Variants in KCNQ1OT1 observed in about 807,000 individuals in gnomAD.
KCNQ1OT1 encodes the protein KCNQ1 opposite strand/antisense transcript 1.
chr11:2,670,168 A>C lies in KCNQ1OT1; in HGVS notation n.29827T>G. On this transcript the variant is annotated non_coding_transcript_exon_variant, in exon 1 of 1. Coordinates refer to ENST00000597346, the Ensembl canonical transcript of KCNQ1OT1. The surrounding 1 kb of genome is among the most constrained non-coding windows in gnomAD (Gnocchi z 4.9). ...TTATCACTGTCGGGCCCATCTGCCA[A>C]GGCAAGCACCCACATTAAAGCAGAG... The C allele has an allele frequency of 2.5e-6, 1 of 398,660 alleles. No individual in the cohort carries two copies. 24.7% of individuals were successfully genotyped at this position (398,660 alleles called of 1,614,324 possible).
At chr11:2,684,135 T>C (rs1850445594) in exon 1 of KCNQ1OT1, 1 of 398,610 alleles carries the variant, frequency 2.5e-6, no homozygotes, top group Non-Finnish European at 4.4e-6. Context: ...ACCGTTTCCC[T>C]TGAAGAATGG....
chr11:2,643,665 G>A (rs771801911), exon 1 of KCNQ1OT1: 1 of 398,484 alleles, frequency 2.5e-6, no homozygotes, highest in Non-Finnish European at 4.4e-6. Context: ...TTGTTGATAT[G>A]TGAGGGCTTA....
chr11:2,625,858 C>T (rs1167552191), exon 1 of KCNQ1OT1: 4 of 398,462 alleles, frequency 1.0e-5, no homozygotes, highest in Admixed American at 8.8e-5. Context: ...CGTGAGCCAC[C>T]GTGCCTGGCC....
In KCNQ1OT1 at chr11:2,608,599, T is replaced by C. The variant is rs2133787355; in HGVS notation, n.91396A>G. On this transcript the variant is annotated non_coding_transcript_exon_variant, in exon 1 of 1. Coordinates refer to ENST00000597346, the Ensembl canonical transcript of KCNQ1OT1. The surrounding 1 kb of genome is among the most constrained non-coding windows in gnomAD (Gnocchi z 4.6). ...CAAGTGATCCTTGCCCCTTAGCCTATGACAGGTGTGCACCACAACACCAGC... is the reference window on the plus strand; with the variant it reads ...CAAGTGATCCTTGCCCCTTAGCCTACGACAGGTGTGCACCACAACACCAGC... 2 of 398,532 alleles carry C rather than the reference T, an allele frequency of 5.0e-6. No individual in the cohort carries two copies. Among genetic ancestry groups the C allele is most frequent in the South Asian group, 2.5e-4 (2 of 7,852 alleles). 24.7% of individuals were successfully genotyped at this position (398,532 alleles called of 1,614,324 possible).
rs947319303 is a variant in KCNQ1OT1, at chr11:2,627,558, T to G, written n.72437A>C. ...TAACTGGGATAGTGCAGTATTTGTC[T>G]TTCTGTGTCTGGCTATTTCACTTAG... On this transcript the variant is annotated non_coding_transcript_exon_variant, in exon 1 of 1. Transcript: ENST00000597346. This position sits in a 1 kb window ranked among gnomAD's most constrained non-coding sequence, Gnocchi z 4.9. 9 of 398,490 alleles carry G rather than the reference T, an allele frequency of 2.3e-5. No homozygotes were observed. The highest frequency in any genetic ancestry group is 1.9e-4 in the African/African-American group (9 of 48,624). 24.7% of individuals were successfully genotyped at this position (398,490 alleles called of 1,614,324 possible).
chr11:2,651,476 T>C lies in KCNQ1OT1; in HGVS notation n.48519A>G, dbSNP rs1269640808. On this transcript the variant is annotated non_coding_transcript_exon_variant, in exon 1 of 1. Coordinates refer to ENST00000597346, the Ensembl canonical transcript of KCNQ1OT1. The surrounding 1 kb of genome is among the most constrained non-coding windows in gnomAD (Gnocchi z 6.1). ...AGGTAGTGCTTATGAAAGTATCTGGTGGGCTTGCATTAAGAAGCTGTCAGT... is the reference window on the plus strand; with the variant it reads ...AGGTAGTGCTTATGAAAGTATCTGGCGGGCTTGCATTAAGAAGCTGTCAGT... 36 of 398,618 alleles carry C rather than the reference T, an allele frequency of 9.0e-5. No homozygotes were observed. Among genetic ancestry groups the C allele is most frequent in the Non-Finnish European group, 1.8e-5 (4 of 226,132 alleles). The allele number at this position is 398,618 out of a possible 1,614,324, so 24.7% of individuals were successfully genotyped here. A position where few individuals can be genotyped will look rare whatever the true frequency, so the allele number is the denominator to read the frequency against.
Position 2,677,228 on chromosome 11 carries a change from A to C in KCNQ1OT1, n.22767T>G. 2.5e-6 allele frequency: 1 copy of C among 398,664 alleles called. No homozygotes were observed. The highest frequency in any genetic ancestry group is 2.1e-5 in the African/African-American group (1 of 48,768). The allele number at this position is 398,664 out of a possible 1,614,324, so 24.7% of individuals were successfully genotyped here. ...GGCTGTCTCTTGTCAACCAAAGACA[A>C]TATAAAGCACACACAAAGTAAAGAG... On this transcript the variant is annotated non_coding_transcript_exon_variant, in exon 1 of 1. Coordinates refer to ENST00000597346, the Ensembl canonical transcript of KCNQ1OT1. This position sits in a 1 kb window ranked among gnomAD's most constrained non-coding sequence, Gnocchi z 4.5.
exon 1 of KCNQ1OT1, chr11:2,689,207 A>C (rs1207300695): frequency 2.5e-6 from 1 of 398,596 alleles, no homozygotes; most frequent in Non-Finnish European, 4.4e-6. Flanking sequence ...CAGCTTGCTG[A>C]CTTTGATGCA....
exon 1 of KCNQ1OT1, chr11:2,609,718 T>C (rs1255115392): frequency 2.5e-6 from 1 of 398,276 alleles, no homozygotes; most frequent in Non-Finnish European, 4.4e-6. Flanking sequence ...TAGGTGAATA[T>C]ATGTTTATAA....
chr11:2,698,914 A>G lies in KCNQ1OT1; in HGVS notation n.1081T>C. ...CAACTCAGGCAAACTCCCAGCCAGG[A>G]TGTGGACCCTAGACCCGAATTCTGA... On this transcript the variant is annotated non_coding_transcript_exon_variant, in exon 1 of 1. Coordinates refer to ENST00000597346, the Ensembl canonical transcript of KCNQ1OT1. The surrounding 1 kb of genome is among the most constrained non-coding windows in gnomAD (Gnocchi z 5.1). 1 of 398,724 alleles carries G rather than the reference A, an allele frequency of 2.5e-6. No individual in the cohort carries two copies. The highest frequency in any genetic ancestry group is 4.4e-6 in the Non-Finnish European group (1 of 226,152). The allele number at this position is 398,724 out of a possible 1,614,324, so 24.7% of individuals were successfully genotyped here.
chr11:2,619,681 A>G (rs1242252687), exon 1 of KCNQ1OT1: 1 of 397,074 alleles, frequency 2.5e-6, no homozygotes, highest in African/African-American at 2.1e-5. Flanking sequence ...TGGCCTCATA[A>G]AATGTGTTAG....
rs771274050 is a variant in KCNQ1OT1, at chr11:2,646,319, T to C, written n.53676A>G. Reference sequence around the variant, plus strand: ...AGGTAAATATGATCATTTTAACATTTTTCTTTCAATCCATGAGCATGGGAT... The same window carrying C: ...AGGTAAATATGATCATTTTAACATTCTTCTTTCAATCCATGAGCATGGGAT... On this transcript the variant is annotated non_coding_transcript_exon_variant, in exon 1 of 1. Transcript: ENST00000597346. The C allele has an allele frequency of 9.5e-4, 377 of 398,490 alleles. 1 individual carries two copies. The highest frequency in any genetic ancestry group is 1.9e-3 in the Middle Eastern group (3 of 1,610). 24.7% of individuals were successfully genotyped at this position (398,490 alleles called of 1,614,324 possible).
Position 2,669,674 on chromosome 11 carries a change from A to G in KCNQ1OT1, n.30321T>C. ...GGAGTATATCTCACAGTATTAGTGT[A>G]AGGCCTTGAGGAGATGGTGTTAGGC... On this transcript the variant is annotated non_coding_transcript_exon_variant, in exon 1 of 1. Coordinates refer to ENST00000597346, the Ensembl canonical transcript of KCNQ1OT1. The surrounding 1 kb of genome is among the most constrained non-coding windows in gnomAD (Gnocchi z 5.6). 5.0e-6 allele frequency: 2 copies of G among 398,640 alleles called. No individual in the cohort carries two copies. The highest frequency in any genetic ancestry group is 2.5e-4 in the South Asian group (2 of 7,854). The allele number at this position is 398,640 out of a possible 1,614,324, so 24.7% of individuals were successfully genotyped here.
Position 2,608,900 on chromosome 11 carries a change from C to A in KCNQ1OT1, n.91095G>T. On this transcript the variant is annotated non_coding_transcript_exon_variant, in exon 1 of 1. Coordinates refer to ENST00000597346, the Ensembl canonical transcript of KCNQ1OT1. This position sits in a 1 kb window ranked among gnomAD's most constrained non-coding sequence, Gnocchi z 4.6. ...CTTCCCTCTCTGTCTTTCCTCCTCC[C>A]CCTCTTTCTTCCTCCCCTTCTTTTC... is the stretch of plus-strand genomic sequence containing the variant. The A allele has an allele frequency of 5.0e-6, 2 of 398,284 alleles. No individual in the cohort carries two copies. Among genetic ancestry groups the A allele is most frequent in the Non-Finnish European group, 8.8e-6 (2 of 226,006 alleles). The allele number at this position is 398,284 out of a possible 1,614,324, so 24.7% of individuals were successfully genotyped here. A position where few individuals can be genotyped will look rare whatever the true frequency, so the allele number is the denominator to read the frequency against.
chr11:2,672,595 G>A, exon 1 of KCNQ1OT1: 1 of 398,690 alleles, frequency 2.5e-6, no homozygotes, highest in Non-Finnish European at 4.4e-6. Flanking sequence ...GATTGGGAAA[G>A]CATCCCTGTA....
Position 2,628,780 on chromosome 11 carries a change from T to C in KCNQ1OT1, n.71215A>G, listed in dbSNP as rs148996424. On this transcript the variant is annotated non_coding_transcript_exon_variant, in exon 1 of 1. Coordinates refer to ENST00000597346, the Ensembl canonical transcript of KCNQ1OT1. ...TTTCAGGTCATATGTTTAAATCTTA[T>C]TCACTTTTCTCTACAGTGTAGGGTA... is the stretch of plus-strand genomic sequence containing the variant. 2,215 of 398,424 alleles carry C rather than the reference T, an allele frequency of 5.6e-3. 10 individuals carry two copies. Among genetic ancestry groups the C allele is most frequent in the Middle Eastern group, 0.021 (34 of 1,584 alleles). The allele number at this position is 398,424 out of a possible 1,614,324, so 24.7% of individuals were successfully genotyped here.
Position 2,690,253 on chromosome 11 carries a change from C to T in KCNQ1OT1, n.9742G>A. ...AAGCAAGTCATTCCATGTGGCTGAG[C>T]TGCTCCTTGCTGCATCTGCACATAT... On this transcript the variant is annotated non_coding_transcript_exon_variant, in exon 1 of 1. Coordinates refer to ENST00000597346, the Ensembl canonical transcript of KCNQ1OT1. This position sits in a 1 kb window ranked among gnomAD's most constrained non-coding sequence, Gnocchi z 5.1. 2.5e-6 allele frequency: 1 copy of T among 398,796 alleles called. No individual in the cohort carries two copies. Among genetic ancestry groups the T allele is most frequent in the Non-Finnish European group, 4.4e-6 (1 of 226,182 alleles). 24.7% of individuals were successfully genotyped at this position (398,796 alleles called of 1,614,324 possible).
At position 2,698,775 on chromosome 11, in the gene KCNQ1OT1, G is replaced by A. The variant is rs546870157; in HGVS notation, n.1220C>T. On this transcript the variant is annotated non_coding_transcript_exon_variant, in exon 1 of 1. Transcript: ENST00000597346. This position sits in a 1 kb window ranked among gnomAD's most constrained non-coding sequence, Gnocchi z 5.1. ...AGAGCCATGATGCAGACTCCAGACC[G>A]GGATTCAGGTCCCCAACTCAGACTC... The A allele has an allele frequency of 2.9e-4, 115 of 398,696 alleles. 2 individuals are homozygous for A. Among genetic ancestry groups the A allele is most frequent in the Non-Finnish European group, 1.3e-5 (3 of 226,130 alleles). The allele number at this position is 398,696 out of a possible 1,614,324, so 24.7% of individuals were successfully genotyped here. A position where few individuals can be genotyped will look rare whatever the true frequency, so the allele number is the denominator to read the frequency against.
In KCNQ1OT1 at chr11:2,647,686, C is replaced by T. The variant is rs972399797; in HGVS notation, n.52309G>A. 2.5e-6 allele frequency: 1 copy of T among 398,496 alleles called. No individual in the cohort carries two copies. Among genetic ancestry groups the T allele is most frequent in the Non-Finnish European group, 4.4e-6 (1 of 226,040 alleles). 24.7% of individuals were successfully genotyped at this position (398,496 alleles called of 1,614,324 possible). ...TACAATCTCATTCCTTGTTATTGCTCTGTTCAGATTTTTTTTCTTCCTGGT... is the reference window on the plus strand; with the variant it reads ...TACAATCTCATTCCTTGTTATTGCTTTGTTCAGATTTTTTTTCTTCCTGGT... On this transcript the variant is annotated non_coding_transcript_exon_variant, in exon 1 of 1. Transcript: ENST00000597346. The surrounding 1 kb of genome is among the most constrained non-coding windows in gnomAD (Gnocchi z 4.0).
Sources: gnomAD v4.1 joint callset for allele counts on GRCh38, gnomAD v4.1.1 for gene constraint, Gnocchi (gnomAD v3.1) non-coding constraint, MANE v1.5 for transcripts, NCBI Gene and HGNC (gene_info 2026-07-23, HGNC 2026-07-21) for gene names.